The following ERBB4 variants were observed in gnomAD, a reference collection of about 807,000 sequenced individuals.
ERBB4 encodes the protein receptor tyrosine-protein kinase erbB-4.
A neutral mutation model predicts 158.0 loss-of-function variants in ERBB4; 42 were observed. That is an observed-to-expected ratio of 0.27 (90% CI 0.21 to 0.34). The LOEUF (loss-of-function observed/expected upper bound fraction) is 0.34. Ranked by LOEUF, ERBB4 falls within the 10% of genes least tolerant of loss-of-function variation. The pLI is 1.00. For synonymous variants in ERBB4, 583 were observed against 558.7 expected (o/e 1.04, Z -0.61); for missense variants, 1,333 against 1,624.1 (o/e 0.82, Z 3.08).
chr2:212,100,280 C>A (rs542998293), intron 2 of ERBB4, among the ~76,000 whole-genome samples: 2 of 152,218 alleles, frequency 1.3e-5, no homozygotes, highest in East Asian at 3.9e-4. Context: ...AGTGTAAGGA[C>A]AAGGTGATGA....
chr2:212,189,830 C>T (rs2082133310), intron 1 of ERBB4, among the ~76,000 whole-genome samples: 1 of 152,046 alleles, frequency 6.6e-6, no homozygotes, highest in South Asian at 2.1e-4. Flanking sequence ...ATTTTACATG[C>T]TAAGATTTTA....
chr2:211,949,602 T>A (rs2080818032), intron 2 of ERBB4, among the ~76,000 whole-genome samples: 1 of 152,242 alleles, frequency 6.6e-6, no homozygotes, highest in Non-Finnish European at 1.5e-5. Flanking sequence ...GCTCTTATTA[T>A]AATTCTGTTG....
intron 18 of ERBB4, among the ~76,000 whole-genome samples, chr2:211,622,118 T>C (rs2069627451): frequency 6.6e-6 from 1 of 152,244 alleles, no homozygotes; most frequent in African/African-American, 2.4e-5. Context: ...TTTAGGACTC[T>C]ACATTTATTA....
chr2:211,917,612 T>C (rs1043576832), intron 3 of ERBB4, among the ~76,000 whole-genome samples: 7 of 152,186 alleles, frequency 4.6e-5, no homozygotes, highest in Admixed American at 1.3e-4. Context: ...GCCTCTTAAC[T>C]ATAACTCTAT....
At chr2:211,790,633 C>T (rs978856453) in intron 3 of ERBB4, among the ~76,000 whole-genome samples, 4 of 151,928 alleles carry the variant, frequency 2.6e-5, no homozygotes, top group South Asian at 2.1e-4. Flanking sequence ...TAATCTTACA[C>T]GTTAACATTT....
At chr2:212,060,124 C>T (rs990695398) in intron 2 of ERBB4, among the ~76,000 whole-genome samples, 2 of 152,076 alleles carry the variant, frequency 1.3e-5, no homozygotes, top group African/African-American at 4.8e-5. Context: ...AAAAAACGAA[C>T]AATTCCATCA....
intron 20 of ERBB4, among the ~76,000 whole-genome samples, chr2:211,444,780 A>G (rs2064069273): frequency 6.6e-6 from 1 of 152,076 alleles, no homozygotes; most frequent in Non-Finnish European, 1.5e-5. Flanking sequence ...ATATAATGAT[A>G]TGTTATTTCC....
At chr2:211,975,616 G>T (rs1038837745) in intron 2 of ERBB4, among the ~76,000 whole-genome samples, 6 of 152,036 alleles carry the variant, frequency 3.9e-5, no homozygotes, top group Admixed American at 1.3e-4. Context: ...TATTTTGAAG[G>T]GTAAGCTGAT....
chr2:212,161,112 A>C (rs909764210), intron 1 of ERBB4, among the ~76,000 whole-genome samples: 1 of 151,982 alleles, frequency 6.6e-6, no homozygotes, highest in Non-Finnish European at 1.5e-5. Context: ...AAAAGATGGA[A>C]GGCTGCTTAA....
intron 1 of ERBB4, among the ~76,000 whole-genome samples, chr2:212,158,694 TCA>T (rs912808484): frequency 1.3e-5 from 2 of 152,008 alleles, no homozygotes; most frequent in Non-Finnish European, 2.9e-5. Flanking sequence ...AATGTGCAAT[TCA>T]CTTTTGTGTC....
At chr2:211,917,970 G>T (rs2125070269) in intron 3 of ERBB4, among the ~76,000 whole-genome samples, 1 of 152,286 alleles carries the variant, frequency 6.6e-6, no homozygotes, top group East Asian at 1.9e-4. Context: ...AGGAAAATGA[G>T]ACTCCAAGCT....
intron 1 of ERBB4, among the ~76,000 whole-genome samples, chr2:212,483,621 AAAGAGAATATC>A (rs1689822270): frequency 6.6e-6 from 1 of 152,184 alleles, no homozygotes; most frequent in Non-Finnish European, 1.5e-5. Context: ...CTCTTTGTCT[AAAGAGAATATC>A]TTGATTTAGG....
intron 19 of ERBB4, among the ~76,000 whole-genome samples, chr2:211,600,550 C>T (rs966369891): frequency 6.6e-6 from 1 of 152,052 alleles, no homozygotes; most frequent in African/African-American, 2.4e-5. Context: ...GGACTGAAAA[C>T]AAGAATAACA....
intron 4 of ERBB4, among the ~76,000 whole-genome samples, chr2:211,772,129 A>G (rs144354223): frequency 2.0e-5 from 3 of 152,170 alleles, no homozygotes; most frequent in Non-Finnish European, 4.4e-5. Flanking sequence ...GAAATACTAC[A>G]TAATGGTGTG....
chr2:211,701,408 C>T (rs2073233110), intron 12 of ERBB4, among the ~76,000 whole-genome samples: 1 of 152,102 alleles, frequency 6.6e-6, no homozygotes, highest in South Asian at 2.1e-4. Context: ...CATGTAAATG[C>T]CCAGGTCTTA....
chr2:212,044,969 C>T (rs2077225240), intron 2 of ERBB4, among the ~76,000 whole-genome samples: 1 of 152,022 alleles, frequency 6.6e-6, no homozygotes, highest in South Asian at 2.1e-4. Context: ...GAGCCTCTGA[C>T]ACTTCATTAC....
chr2:212,389,773 G>A (rs1465722375), intron 1 of ERBB4, among the ~76,000 whole-genome samples: 1 of 151,870 alleles, frequency 6.6e-6, no homozygotes, highest in Non-Finnish European at 1.5e-5. Context: ...TCTTTTGTGT[G>A]TATAATTCTA....
intron 1 of ERBB4, among the ~76,000 whole-genome samples, chr2:212,355,641 G>A (rs1180175894): frequency 6.6e-6 from 1 of 151,930 alleles, no homozygotes; most frequent in Non-Finnish European, 1.5e-5. Flanking sequence ...GCATATCATT[G>A]CAATATGCTC....
chr2:211,724,219 T>C (rs555771779), intron 6 of ERBB4, among the ~76,000 whole-genome samples: 2 of 152,290 alleles, frequency 1.3e-5, no homozygotes, highest in East Asian at 3.9e-4. Context: ...GCAATACATA[T>C]TTTTGTTTCA....
Sources: gnomAD v4.1 joint callset for allele counts (sites outside exome capture counted in the v4.1 genomes callset) on GRCh38, gnomAD v4.1.1 for gene constraint, MANE v1.5 for transcripts, NCBI Gene and HGNC (gene_info 2026-07-23, HGNC 2026-07-21) for gene names.